The following RIMS1 variants were observed in gnomAD, a reference collection of about 807,000 sequenced individuals.
RIMS1 encodes the protein regulating synaptic membrane exocytosis 1.
Under a neutral mutation model 214.1 loss-of-function variants are expected in RIMS1, and 83 were observed. That is an observed-to-expected ratio of 0.39 (90% CI 0.32 to 0.47). The LOEUF is 0.47. RIMS1 is among the 20% of genes least tolerant of loss of function. The pLI is 0.99. For synonymous variants in RIMS1, 793 were observed against 786.8 expected, an observed-to-expected ratio of 1.01 and a Z score of -0.13; for missense variants, 2,050 against 2,161.8, an observed-to-expected ratio of 0.95 and a Z score of 1.03.
chr6:72,228,853 A>G (rs1338534317), intron 6 of RIMS1, among the ~76,000 whole-genome samples: 1 of 151,966 alleles, frequency 6.6e-6, no homozygotes, highest in Non-Finnish European at 1.5e-5. Flanking sequence ...AGGCCATCCT[A>G]ACAGGTATGA....
At chr6:71,888,015 C>A (rs1768359979) in intron 1 of RIMS1, among the ~76,000 whole-genome samples, 1 of 152,174 alleles carries the variant, frequency 6.6e-6, no homozygotes. Flanking sequence ...TGCACTCCTC[C>A]TCACTTCTTT....
intron 29 of RIMS1, among the ~76,000 whole-genome samples, chr6:72,346,316 T>C (rs943733392): frequency 6.6e-6 from 1 of 151,858 alleles, no homozygotes; most frequent in African/African-American, 2.4e-5. Flanking sequence ...TATTTTTATC[T>C]GTTCATTACA....
At chr6:71,916,540 T>C (rs1268265548) in intron 1 of RIMS1, among the ~76,000 whole-genome samples, 1 of 152,178 alleles carries the variant, frequency 6.6e-6, no homozygotes, top group Admixed American at 6.6e-5. Context: ...TCACTCTATC[T>C]TTGAGTAATT....
chr6:72,208,411 C>G (rs571960461), intron 6 of RIMS1, among the ~76,000 whole-genome samples: 2 of 152,256 alleles, frequency 1.3e-5, no homozygotes, highest in South Asian at 4.1e-4. Flanking sequence ...TTTTCCATTC[C>G]CGTAAGATCA....
intron 1 of RIMS1, among the ~76,000 whole-genome samples, chr6:71,942,194 C>T (rs192280098): frequency 1.3e-5 from 2 of 152,220 alleles, no homozygotes; most frequent in African/African-American, 4.8e-5. Context: ...TCATTGACTC[C>T]GTGTGTAAGG....
chr6:72,005,509 AACAGGTT>A (rs1229094977), intron 2 of RIMS1, among the ~76,000 whole-genome samples: 1 of 152,232 alleles, frequency 6.6e-6, no homozygotes, highest in African/African-American at 2.4e-5. Flanking sequence ...ATTGCTGGGA[AACAGGTT>A]ACTTATTTTA....
At chr6:72,039,639 A>G (rs1437443817) in intron 2 of RIMS1, among the ~76,000 whole-genome samples, 1 of 152,124 alleles carries the variant, frequency 6.6e-6, no homozygotes, top group Non-Finnish European at 1.5e-5. Context: ...TCCAACATCC[A>G]GGGGAGTTTT....
intron 29 of RIMS1, among the ~76,000 whole-genome samples, chr6:72,360,903 A>C (rs893889369): frequency 6.7e-6 from 1 of 149,362 alleles, no homozygotes; most frequent in Non-Finnish European, 1.5e-5. Flanking sequence ...TATGTTTCCT[A>C]GCCTTAGAAA....
intron 1 of RIMS1, among the ~76,000 whole-genome samples, chr6:71,957,105 T>C (rs1018375498): frequency 6.6e-5 from 10 of 152,150 alleles, no homozygotes; most frequent in African/African-American, 2.4e-4. Context: ...GTAAAAATAT[T>C]GCACAACAAA....
chr6:72,057,139 C>T (rs1267971261), intron 2 of RIMS1, among the ~76,000 whole-genome samples: 3 of 152,084 alleles, frequency 2.0e-5, no homozygotes, highest in African/African-American at 7.2e-5. Flanking sequence ...TGTAACAAAC[C>T]TGCATTTGTA....
intron 1 of RIMS1, among the ~76,000 whole-genome samples, chr6:71,960,893 G>GA (rs1207075048): frequency 4.6e-5 from 7 of 150,746 alleles, no homozygotes; most frequent in African/African-American, 1.2e-4. Context: ...AAGAAGAAGT[G>GA]AAAAAAAAAT....
intron 26 of RIMS1, among the ~76,000 whole-genome samples, chr6:72,297,375 A>G (rs570410347): frequency 1.3e-5 from 2 of 152,092 alleles, no homozygotes; most frequent in South Asian, 4.1e-4. Flanking sequence ...CATATTAGAA[A>G]TGGGCCATGA....
chr6:72,235,964 GT>G (rs2063859311), intron 8 of RIMS1, among the ~76,000 whole-genome samples: 1 of 152,062 alleles, frequency 6.6e-6, no homozygotes, highest in Non-Finnish European at 1.5e-5. Flanking sequence ...AGTAGCATAG[GT>G]AATGTGGACT....
At chr6:72,358,034 A>C (rs1000250678) in intron 29 of RIMS1, among the ~76,000 whole-genome samples, 6 of 152,142 alleles carry the variant, frequency 3.9e-5, no homozygotes, top group African/African-American at 1.4e-4. Context: ...GGTGCCCGTT[A>C]GGAAACAATT....
intron 29 of RIMS1, among the ~76,000 whole-genome samples, chr6:72,375,206 A>C (rs894862076): frequency 1.3e-5 from 2 of 152,112 alleles, no homozygotes; most frequent in Non-Finnish European, 2.9e-5. Flanking sequence ...GCTGATGGCC[A>C]CCCTCACTCT....
intron 9 of RIMS1, among the ~76,000 whole-genome samples, chr6:72,240,178 A>G (rs1324264246): frequency 3.3e-5 from 5 of 152,110 alleles, no homozygotes; most frequent in Non-Finnish European, 4.4e-5. Context: ...TTGATTATCC[A>G]TACATAAATA....
intron 1 of RIMS1, among the ~76,000 whole-genome samples, chr6:71,924,049 C>G (rs1317439333): frequency 6.6e-6 from 1 of 152,160 alleles, no homozygotes; most frequent in African/African-American, 2.4e-5. Flanking sequence ...TTTGCCCTCA[C>G]TTTCTGCTAA....
intron 1 of RIMS1, among the ~76,000 whole-genome samples, chr6:71,895,412 C>T (rs1581965944): frequency 6.6e-6 from 1 of 152,132 alleles, no homozygotes; most frequent in African/African-American, 2.4e-5. Flanking sequence ...CGGTGGCTCA[C>T]GCCTGCAATC....
intron 29 of RIMS1, among the ~76,000 whole-genome samples, chr6:72,341,594 C>T (rs1466523262): frequency 6.6e-6 from 1 of 151,796 alleles, no homozygotes; most frequent in Non-Finnish European, 1.5e-5. Context: ...ATCCCAGGCA[C>T]AGTGGGTGTT....
Sources: allele counts gnomAD v4.1 joint callset (sites outside exome capture counted in the v4.1 genomes callset), GRCh38; gene constraint gnomAD v4.1.1; transcripts MANE v1.5; gene names NCBI Gene and HGNC (gene_info 2026-07-23, HGNC 2026-07-21).